HSPA12A: variants seen among roughly 807,000 people sequenced by gnomAD.
The protein encoded by HSPA12A is heat shock protein family A (Hsp70) member 12A.
HSPA12A carries 28 observed loss-of-function variants against 69.2 expected under a neutral mutation model. That is an observed-to-expected ratio of 0.40 (90% CI 0.30 to 0.55). The LOEUF is 0.55. Ranked by LOEUF, HSPA12A falls within the 20% of genes least tolerant of loss-of-function variation. HSPA12A has a pLI of 0.38. For missense variants in HSPA12A, 686 were observed against 900.7 expected, an observed-to-expected ratio of 0.76 and a Z score of 3.05; for synonymous variants, 345 against 370.5, an observed-to-expected ratio of 0.93 and a Z score of 0.79.
rs1042661942 is a variant in HSPA12A at position 116,734,255 on chromosome 10, G to A, written c.40+8175C>T. Among the ~76,000 whole-genome samples, 24 of 151,934 alleles carry A rather than the reference G, an allele frequency of 1.6e-4. 1 individual carries two copies. Among genetic ancestry groups the A allele is most frequent in the African/African-American group, 5.8e-4 (24 of 41,406 alleles). On this transcript the variant is annotated intron_variant, in intron 1 of 11. Coordinates refer to ENST00000369209, the MANE Select transcript of HSPA12A (RefSeq NM_025015.3). ...CACCAAGACAGGCAGTTTGAGACCC[G>A]CCTGGCCAACATGGTGAAACTCTGC...
chr10:116,842,681 C>A (rs1417324706), intron 1 of HSPA12A, among the ~76,000 whole-genome samples: 1 of 152,160 alleles, frequency 6.6e-6, no homozygotes, highest in Non-Finnish European at 1.5e-5. Flanking sequence ...CAGCTCACTA[C>A]AACCTCTGCC....
chr10:116,788,587 C>T (rs1009580267), intron 2 of HSPA12A, among the ~76,000 whole-genome samples: 1 of 152,178 alleles, frequency 6.6e-6, no homozygotes, highest in Non-Finnish European at 1.5e-5. Flanking sequence ...TCCTTCCAGA[C>T]TCTATCAACA....
intron 2 of HSPA12A, chr10:116,830,535 G>C (rs1845594856): frequency 6.7e-6 from 1 of 149,578 alleles, no homozygotes; most frequent in Non-Finnish European, 1.5e-5. Context: ...ACCACTTTGG[G>C]AGCAAAGTTG....
Position 116,698,718 on chromosome 10 carries a change from G to A in HSPA12A, c.463C>T (p.Leu155=). The A allele has an allele frequency of 6.2e-7, 1 of 1,614,032 alleles. No individual in the cohort carries two copies. Among genetic ancestry groups the A allele is most frequent in the Non-Finnish European group, 8.5e-7 (1 of 1,179,874 alleles). The change falls in exon 5 of 12, where the codon CTG becomes TTG. Residue 155 remains leucine, a synonymous_variant. Transcript: ENST00000369209. ...ACTTTCTTGCCATTTGCTGCCGTCA[G>A]GTCTGTATCCATGGTGAGGTCCTGG... is the stretch of plus-strand genomic sequence containing the variant. ...TTGDLTMDTD[L]TAANGKKVKA... is the part of the protein sequence containing the mutation.
At chr10:116,698,768 G>A (rs1554881239) in intron 4 of HSPA12A, 29 bp from the exon 5 acceptor site, 1 of 1,548,030 alleles carries the variant, frequency 6.5e-7, no homozygotes, top group Non-Finnish European at 8.9e-7. Context: ...ACAATAGTAA[G>A]AAGATGACAC....
intron 1 of HSPA12A, among the ~76,000 whole-genome samples, chr10:116,844,603 T>C (rs1845850210): frequency 6.6e-6 from 1 of 152,230 alleles, no homozygotes; most frequent in South Asian, 2.1e-4. Context: ...TATTCCCATT[T>C]TCTAGATGAG....
intron 11 of HSPA12A, among the ~76,000 whole-genome samples, chr10:116,676,103 GTTTA>G (rs1421888124): frequency 2.0e-5 from 3 of 152,200 alleles, no homozygotes; most frequent in African/African-American, 2.4e-5. Context: ...AGTTTTGTTT[GTTTA>G]TTTAATTCTT....
At chr10:116,691,942 C>T (rs1849749493) in intron 6 of HSPA12A, among the ~76,000 whole-genome samples, 1 of 152,228 alleles carries the variant, frequency 6.6e-6, no homozygotes, top group Admixed American at 6.5e-5. Context: ...GGTTCGTGGC[C>T]AATGGCCTTG....
At chr10:116,770,983 G>C (rs1228167769) in intron 2 of HSPA12A, among the ~76,000 whole-genome samples, 1 of 151,410 alleles carries the variant, frequency 6.6e-6, no homozygotes, top group Non-Finnish European at 1.5e-5. Context: ...GTGGACTGCA[G>C]GGTTGGAGTG....
At chr10:116,757,487 C>G (rs765547200) in intron 2 of HSPA12A, among the ~76,000 whole-genome samples, 41 of 152,202 alleles carry the variant, frequency 2.7e-4, no homozygotes, top group Non-Finnish European at 5.1e-4. Context: ...TTCCCTTCAA[C>G]AGCAAAGAGT....
intron 5 of HSPA12A, among the ~76,000 whole-genome samples, chr10:116,693,433 A>T (rs1849795584): frequency 6.6e-6 from 1 of 152,188 alleles, no homozygotes; most frequent in Non-Finnish European, 1.5e-5. Flanking sequence ...ACTAACTCAC[A>T]GCATTGCTGG....
At chr10:116,808,159 TAG>T (rs1400647278) in intron 2 of HSPA12A, among the ~76,000 whole-genome samples, 4 of 152,074 alleles carry the variant, frequency 2.6e-5, no homozygotes, top group East Asian at 1.9e-4. Flanking sequence ...TGGAGGAATA[TAG>T]AAGAGTTTGG....
In HSPA12A at chr10:116,774,699, G is replaced by T. The variant is rs530549762; in HGVS notation, c.91+60236C>A. ...GGACATTGAGAGGGAGGCCTTCTGTGCACCCCTTCATTCACCCACCAGAAA... is the reference window on the plus strand; with the variant it reads ...GGACATTGAGAGGGAGGCCTTCTGTTCACCCCTTCATTCACCCACCAGAAA... On this transcript the variant is annotated intron_variant, in intron 2 of 12. Coordinates refer to the HSPA12A transcript ENST00000635765. 7.0e-4 allele frequency among the ~76,000 whole-genome samples: 107 copies of T among 152,238 alleles called. 2 individuals are homozygous for T. The highest frequency in any genetic ancestry group is 2.4e-3 in the African/African-American group (98 of 41,552).
intron 2 of HSPA12A, among the ~76,000 whole-genome samples, chr10:116,814,040 G>C (rs1452617179): frequency 1.3e-5 from 2 of 152,132 alleles, no homozygotes; most frequent in African/African-American, 2.4e-5. Flanking sequence ...CTTTTCAAAA[G>C]CTATCATAGG....
At chr10:116,679,841 C>T in intron 9 of HSPA12A, 80 bp from the exon 10 acceptor site, 4 of 1,468,982 alleles carry the variant, frequency 2.7e-6, no homozygotes, top group Non-Finnish European at 3.7e-6. Flanking sequence ...ACAGGCCCAC[C>T]TGTTCATCTC....
At chr10:116,846,697 A>G (rs1291121184) in intron 1 of HSPA12A, among the ~76,000 whole-genome samples, 1 of 152,206 alleles carries the variant, frequency 6.6e-6, no homozygotes, top group Non-Finnish European at 1.5e-5. Flanking sequence ...TCATTACAGG[A>G]AAATCAGATA....
intron 10 of HSPA12A, among the ~76,000 whole-genome samples, chr10:116,679,220 T>G (rs1236450708): frequency 6.6e-6 from 1 of 152,256 alleles, no homozygotes; most frequent in African/African-American, 2.4e-5. Context: ...CCTCTGTTTT[T>G]AGCAAACACA....
chr10:116,820,015 G>A (rs1845381847), intron 2 of HSPA12A, among the ~76,000 whole-genome samples: 1 of 151,934 alleles, frequency 6.6e-6, no homozygotes, highest in African/African-American at 2.4e-5. Context: ...GTAAAGATGG[G>A]GTTTCACCAT....
chr10:116,841,763 A>T (rs1845805098), intron 1 of HSPA12A, among the ~76,000 whole-genome samples: 1 of 152,118 alleles, frequency 6.6e-6, no homozygotes, highest in Admixed American at 6.5e-5. Flanking sequence ...AACAGTTCTC[A>T]TTCTTCATTT....
Sources: gnomAD v4.1 joint callset for allele counts (sites outside exome capture counted in the v4.1 genomes callset) on GRCh38, gnomAD v4.1.1 for gene constraint, MANE v1.5 for transcripts, NCBI Gene and HGNC (gene_info 2026-07-23, HGNC 2026-07-21) for gene names.